Variants in GABRA5 observed in about 807,000 individuals in gnomAD.
GABRA5 encodes gamma-aminobutyric acid receptor subunit alpha-5.
Under a neutral mutation model 47.3 loss-of-function variants are expected in GABRA5, and 18 were observed. The observed-to-expected ratio is 0.38, with a 90% CI of 0.26 to 0.56. The LOEUF is 0.56. Among genes scored for constraint, GABRA5 ranks in the 20% least tolerant of loss-of-function variants. The pLI is 0.71. For synonymous variants in GABRA5, 237 were observed against 229.3 expected (o/e 1.03, Z -0.30); for missense variants, 365 against 599.3 (o/e 0.61, Z 4.08).
At chr15:26,877,729 A>T (rs1468624991) in intron 3 of GABRA5, 1 of 453,574 alleles carries the variant, frequency 2.2e-6, no homozygotes. Context: ...GGAACTGAGA[A>T]TATGGCATAA....
intron 6 of GABRA5, among the ~76,000 whole-genome samples, chr15:26,889,229 T>G (rs553458386): frequency 6.6e-6 from 1 of 152,328 alleles, no homozygotes; most frequent in Non-Finnish European, 1.5e-5. Flanking sequence ...TGGAAACCCC[T>G]GCTTAATTCA....
chr15:26,934,974 AG>A (rs1261744306), intron 7 of GABRA5, among the ~76,000 whole-genome samples: 1 of 151,778 alleles, frequency 6.6e-6, no homozygotes, highest in Non-Finnish European at 1.5e-5. Flanking sequence ...TGGTCAGAAG[AG>A]GGTGAGCTTT....
intron 6 of GABRA5, among the ~76,000 whole-genome samples, chr15:26,892,413 G>A (rs551002140): frequency 5.7e-4 from 86 of 151,554 alleles, no homozygotes; most frequent in Middle Eastern, 6.8e-3. Context: ...TACCCAGCCC[G>A]CGCCCCGGGG....
intron 7 of GABRA5, 85 bp from the exon 8 acceptor site, chr15:26,937,100 C>T (rs1282609769): frequency 2.0e-6 from 3 of 1,509,766 alleles, no homozygotes; most frequent in Non-Finnish European, 2.8e-6. Flanking sequence ...CATCCTCTCT[C>T]TTGCTACTTT....
At chr15:26,942,501 G>T (rs778440684) in intron 9 of GABRA5, among the ~76,000 whole-genome samples, 1 of 152,200 alleles carries the variant, frequency 6.6e-6, no homozygotes, top group African/African-American at 2.4e-5. Flanking sequence ...TTTGCAGGGA[G>T]CCCTCTACTT....
At chr15:26,889,356 C>T (rs1173948617) in intron 6 of GABRA5, among the ~76,000 whole-genome samples, 1 of 151,576 alleles carries the variant, frequency 6.6e-6, no homozygotes, top group African/African-American at 2.4e-5. Context: ...ATATTTTAAT[C>T]TCCTAGAGCC....
chr15:26,898,296 T>A (rs908370182), intron 6 of GABRA5, among the ~76,000 whole-genome samples: 5 of 126,188 alleles, frequency 4.0e-5, no homozygotes, highest in Admixed American at 8.1e-5. Context: ...GCTGTACAGC[T>A]GTGCTGGTGA....
Position 26,883,026 on chromosome 15 carries a change from A to C in GABRA5, c.209-140A>C. The C allele has an allele frequency of 1.4e-6, 1 of 733,636 alleles. No individual in the cohort carries two copies. Among genetic ancestry groups the C allele is most frequent in the Non-Finnish European group, 2.5e-6 (1 of 399,544 alleles). 45.4% of individuals were successfully genotyped at this position (733,636 alleles called of 1,614,324 possible). On this transcript the variant is annotated intron_variant, in intron 4 of 10. Transcript: ENST00000335625. The surrounding 1 kb of genome is among the most constrained non-coding windows in gnomAD (Gnocchi z 4.8). ...AGCTCGATTTCATCTGGTAATTGTC[A>C]AGTCCTCCAAATTTACCAAACGCAC...
At chr15:26,893,277 GTA>G (rs777380415) in intron 6 of GABRA5, among the ~76,000 whole-genome samples, 878 of 50,996 alleles carry the variant, frequency 0.017, 4 homozygotes, top group Non-Finnish European at 0.027. Context: ...TGGTGTGTGT[GTA>G]TGGCATATGG....
rs138214657 is a variant in GABRA5 at position 26,915,097 on chromosome 15, A to C, written c.580+212A>C. On this transcript the variant is annotated intron_variant, in intron 7 of 10. Transcript: ENST00000335625. Reference sequence around the variant, plus strand: ...TGCCATACATCACAGATTAGGATAAACTATGACAATGCCAGTGACATCACT... The same window carrying C: ...TGCCATACATCACAGATTAGGATAACCTATGACAATGCCAGTGACATCACT... 7.9e-5 allele frequency among the ~76,000 whole-genome samples: 12 copies of C among 152,288 alleles called. No individual in the cohort carries two copies. In the East Asian group the frequency reaches 1.5e-3, roughly 20 times the overall value.
intron 6 of GABRA5, among the ~76,000 whole-genome samples, chr15:26,884,631 T>G (rs75483363): frequency 0.01 from 1,569 of 152,330 alleles, 36 homozygotes; most frequent in African/African-American, 0.036. Flanking sequence ...GCTCTCATCT[T>G]TGGAGGATCT....
chr15:26,919,573 T>C (rs1320894324), intron 7 of GABRA5, among the ~76,000 whole-genome samples: 1 of 152,172 alleles, frequency 6.6e-6, no homozygotes, highest in African/African-American at 2.4e-5. Context: ...ATTAACATTT[T>C]TAGTTGTAAT....
chr15:26,927,970 A>G (rs1894000945), intron 7 of GABRA5, among the ~76,000 whole-genome samples: 1 of 152,244 alleles, frequency 6.6e-6, no homozygotes, highest in Non-Finnish European at 1.5e-5. Context: ...TTCTCGGTCC[A>G]TAAGGAAATT....
intron 10 of GABRA5, among the ~76,000 whole-genome samples, chr15:26,945,564 A>T (rs1423955226): frequency 6.6e-6 from 1 of 152,138 alleles, no homozygotes; most frequent in African/African-American, 2.4e-5. Context: ...GAGTTGCCTC[A>T]TGTCAGGGAT....
chr15:26,927,526 A>G (rs1893990342), intron 7 of GABRA5, among the ~76,000 whole-genome samples: 1 of 152,196 alleles, frequency 6.6e-6, no homozygotes, highest in Non-Finnish European at 1.5e-5. Flanking sequence ...TTCATATGTC[A>G]TGTATTGTGT....
chr15:26,936,257 G>A (rs1368225808), intron 7 of GABRA5, among the ~76,000 whole-genome samples: 7 of 152,144 alleles, frequency 4.6e-5, no homozygotes, highest in African/African-American at 1.7e-4. Context: ...TTTCTTCATA[G>A]CAGCGTGAGA....
Position 26,940,096 on chromosome 15 carries a change from G to T in GABRA5, c.877+19G>T. 1 of 1,599,324 alleles carries T rather than the reference G, an allele frequency of 6.3e-7. No homozygotes were observed. The highest frequency in any genetic ancestry group is 8.5e-7 in the Non-Finnish European group (1 of 1,170,710). On this transcript the variant is annotated intron_variant, in intron 9 of 10. Coordinates refer to ENST00000335625, the MANE Select transcript of GABRA5 (RefSeq NM_000810.4). ...GTTTTTGGTGAGTGTCCCCAAGCCA[G>T]GCCTGGACACTGGTGTTTTGTGACT...
Position 26,948,340 on chromosome 15 carries a change from A to C in GABRA5, c.*107A>C. 9.6e-7 allele frequency: 1 copy of C among 1,039,756 alleles called. No individual in the cohort carries two copies. The highest frequency in any genetic ancestry group is 1.6e-5 in the African/African-American group (1 of 61,688). 64.4% of individuals were successfully genotyped at this position (1,039,756 alleles called of 1,614,324 possible). ...CATATGTGAGCACTATCTTTCAGGAAATTTTTGCATGTTTAATAATATGTA... is the reference window on the plus strand; with the variant it reads ...CATATGTGAGCACTATCTTTCAGGACATTTTTGCATGTTTAATAATATGTA... On this transcript the variant is annotated 3_prime_UTR_variant, in exon 11 of 11. Coordinates refer to ENST00000335625, the MANE Select transcript of GABRA5 (RefSeq NM_000810.4).
At chr15:26,902,604 T>C (rs548872377) in intron 6 of GABRA5, among the ~76,000 whole-genome samples, 1 of 152,224 alleles carries the variant, frequency 6.6e-6, no homozygotes, top group South Asian at 2.1e-4. Context: ...TTTTGTTTCT[T>C]TTTTTCTTTA....
Sources: gnomAD v4.1 joint callset for allele counts (sites outside exome capture counted in the v4.1 genomes callset) on GRCh38, gnomAD v4.1.1 for gene constraint, Gnocchi (gnomAD v3.1) non-coding constraint, MANE v1.5 for transcripts, NCBI Gene and HGNC (gene_info 2026-07-23, HGNC 2026-07-21) for gene names.